Variants in SLC24A2 observed in about 807,000 individuals in gnomAD.
The protein encoded by SLC24A2 is sodium/potassium/calcium exchanger 2.
In SLC24A2, 36 loss-of-function variants were observed where a neutral mutation model predicts 62.0. That is an observed-to-expected ratio of 0.58 (90% CI 0.44 to 0.77). The LOEUF (loss-of-function observed/expected upper bound fraction) is 0.77, where lower values mean the gene tolerates loss of function less well. SLC24A2 is among the 30% of genes least tolerant of loss of function. The pLI is 0.00. For missense variants in SLC24A2, 846 were observed against 817.9 expected (o/e 1.03, Z -0.42); for synonymous variants, 358 against 294.0 (o/e 1.22, Z -2.23).
chr9:19,549,195 C>A (rs539492344), intron 8 of SLC24A2, among the ~76,000 whole-genome samples: 2 of 152,314 alleles, frequency 1.3e-5, no homozygotes, highest in African/African-American at 4.8e-5. Context: ...ATGATAGTCA[C>A]AAGAATGTTC....
At chr9:20,249,435 G>C in the SLC24A2 span, among the ~76,000 whole-genome samples, 1 of 152,188 alleles carries the variant, frequency 6.6e-6, no homozygotes, top group Non-Finnish European at 1.5e-5. Context: ...GCCCAGCGCA[G>C]TGGGTCATGC....
chr9:19,600,015 A>G (rs967281030), intron 4 of SLC24A2, among the ~76,000 whole-genome samples: 12 of 152,188 alleles, frequency 7.9e-5, no homozygotes, highest in African/African-American at 2.9e-4. Context: ...TCAAGAGTCT[A>G]TTAGTTAACA....
chr9:19,606,299 A>C (rs1293363978), intron 4 of SLC24A2, among the ~76,000 whole-genome samples: 1 of 152,244 alleles, frequency 6.6e-6, no homozygotes, highest in Non-Finnish European at 1.5e-5. Context: ...AGATTGATTT[A>C]CTATGGAATT....
At chr9:19,576,139 C>T (rs936687254) in intron 6 of SLC24A2, among the ~76,000 whole-genome samples, 5 of 152,272 alleles carry the variant, frequency 3.3e-5, no homozygotes, top group Middle Eastern at 3.4e-3. Context: ...AACTCTTCTA[C>T]GGAGTGTCAG....
chr9:19,544,235 G>A (rs914654222), intron 8 of SLC24A2, among the ~76,000 whole-genome samples: 46 of 147,018 alleles, frequency 3.1e-4, no homozygotes, highest in Admixed American at 9.7e-4. Context: ...TTTTGTCGGA[G>A]ACTAGGATTG....
the SLC24A2 span, among the ~76,000 whole-genome samples, chr9:20,285,374 C>A: frequency 4.6e-5 from 7 of 152,190 alleles, no homozygotes; most frequent in African/African-American, 1.7e-4. Flanking sequence ...AGTGAATCGG[C>A]AAGCTGGAGA....
At chr9:20,146,260 A>G in the SLC24A2 span, among the ~76,000 whole-genome samples, 1 of 152,108 alleles carries the variant, frequency 6.6e-6, no homozygotes, top group African/African-American at 2.4e-5. Context: ...AAGCAGAGAG[A>G]GTCTGGAAGG....
the SLC24A2 span, among the ~76,000 whole-genome samples, chr9:20,272,783 C>T: frequency 1.3e-5 from 2 of 152,082 alleles, no homozygotes; most frequent in African/African-American, 4.8e-5. Flanking sequence ...TGGCTCCCTA[C>T]AGCAAAAAAG....
intron 10 of SLC24A2, among the ~76,000 whole-genome samples, chr9:19,516,761 G>T (rs1210665360): frequency 1.3e-5 from 2 of 152,114 alleles, no homozygotes; most frequent in East Asian, 3.9e-4. Flanking sequence ...GTGAATTCCA[G>T]GATTTGCACA....
chr9:19,557,126 A>G (rs1835132530), intron 7 of SLC24A2, among the ~76,000 whole-genome samples: 1 of 152,136 alleles, frequency 6.6e-6, no homozygotes, highest in Admixed American at 6.5e-5. Context: ...AGTAACCCCT[A>G]AGTCCCAGCT....
At chr9:19,746,193 C>T (rs549849669) in intron 2 of SLC24A2, among the ~76,000 whole-genome samples, 2 of 151,588 alleles carry the variant, frequency 1.3e-5, no homozygotes, top group African/African-American at 4.8e-5. Flanking sequence ...AGGAGGTAAG[C>T]GGCTCTCTTG....
At chr9:19,656,123 T>G (rs1382762904) in intron 2 of SLC24A2, among the ~76,000 whole-genome samples, 1 of 152,214 alleles carries the variant, frequency 6.6e-6, no homozygotes, top group Non-Finnish European at 1.5e-5. Context: ...TGAACCAGAA[T>G]GTGTTTCTCT....
At chr9:19,895,872 G>A in the SLC24A2 span, 9 of 1,612,562 alleles carry the variant, frequency 5.6e-6, no homozygotes, top group Admixed American at 1.7e-5. Flanking sequence ...GGTGCAGCAG[G>A]GCCTCGGCCA....
the SLC24A2 span, among the ~76,000 whole-genome samples, chr9:20,064,834 A>G: frequency 6.6e-6 from 1 of 152,222 alleles, no homozygotes; most frequent in African/African-American, 2.4e-5. Context: ...GACATGTTTC[A>G]TGGAACTGTT....
At chr9:19,558,867 G>A (rs534040649) in intron 7 of SLC24A2, among the ~76,000 whole-genome samples, 1 of 152,296 alleles carries the variant, frequency 6.6e-6, no homozygotes, top group East Asian at 1.9e-4. Context: ...CTGGTAAAAA[G>A]GTATGTGCCT....
chr9:20,048,575 A>G, the SLC24A2 span, among the ~76,000 whole-genome samples: 2 of 152,236 alleles, frequency 1.3e-5, no homozygotes, highest in African/African-American at 4.8e-5. Context: ...GCAAATGTAT[A>G]ACAAAGTAAT....
chr9:20,208,118 A>G, the SLC24A2 span, among the ~76,000 whole-genome samples: 1 of 152,218 alleles, frequency 6.6e-6, no homozygotes, highest in Non-Finnish European at 1.5e-5. Flanking sequence ...GTGATACATC[A>G]TTATCAGGGA....
In SLC24A2 at chr9:19,788,938, G is replaced by T. The variant is rs1823263110; in HGVS notation, c.-207C>A. On this transcript the variant is annotated 5_prime_UTR_variant, in exon 1 of 11. Transcript: ENST00000341998. Reference sequence around the variant, plus strand: ...GCGGGGCCCCCGAGCGCGGCCCGCCGCTCCAGTCCGCCGGCCCTCCGCCTA... The same window carrying T: ...GCGGGGCCCCCGAGCGCGGCCCGCCTCTCCAGTCCGCCGGCCCTCCGCCTA... The T allele has an allele frequency of 1.0e-6, 1 of 985,040 alleles. No individual in the cohort carries two copies. Among genetic ancestry groups the T allele is most frequent in the African/African-American group, 1.7e-5 (1 of 57,240 alleles). The allele number at this position is 985,040 out of a possible 1,614,324, so 61.0% of individuals were successfully genotyped here.
the SLC24A2 span, among the ~76,000 whole-genome samples, chr9:20,246,580 T>C: frequency 6.6e-6 from 1 of 152,192 alleles, no homozygotes; most frequent in African/African-American, 2.4e-5. Flanking sequence ...TAGAATTTAA[T>C]GAGAAGACTA....
Sources: gnomAD v4.1 joint callset for allele counts (sites outside exome capture counted in the v4.1 genomes callset) on GRCh38, gnomAD v4.1.1 for gene constraint, MANE v1.5 for transcripts, NCBI Gene and HGNC (gene_info 2026-07-23, HGNC 2026-07-21) for gene names.